Variants in SMCHD1 observed in about 807,000 individuals in gnomAD.
SMCHD1 encodes the protein structural maintenance of chromosomes flexible hinge domain containing 1.
A neutral mutation model predicts 254.7 loss-of-function variants in SMCHD1; 78 were observed. The ratio of observed to expected loss-of-function variants is 0.31; its 90% CI spans 0.26 to 0.37. The LOEUF (loss-of-function observed/expected upper bound fraction) is 0.37, where lower values mean the gene tolerates loss of function less well. Ranked by LOEUF, SMCHD1 falls within the 10% of genes least tolerant of loss-of-function variation. The pLI is 1.00. For missense variants in SMCHD1, 1,840 were observed against 2,408.1 expected (o/e 0.76, Z 4.94); for synonymous variants, 766 against 794.9 (o/e 0.96, Z 0.61).
At chr18:2,770,731 G>A (rs377094522) in intron 39 of SMCHD1, among the ~76,000 whole-genome samples, 3 of 151,876 alleles carry the variant, frequency 2.0e-5, no homozygotes, top group South Asian at 4.2e-4. Context: ...AGTGATTCTC[G>A]TGCCTCAGCC....
intron 17 of SMCHD1, among the ~76,000 whole-genome samples, chr18:2,712,231 CTTT>C (rs35669047): frequency 1.4e-5 from 2 of 142,116 alleles, no homozygotes; most frequent in Non-Finnish European, 1.5e-5. Flanking sequence ...TTTCTTTTTC[CTTT>C]TTTTTTTTTT....
intron 5 of SMCHD1, among the ~76,000 whole-genome samples, chr18:2,674,868 A>C (rs758110862): frequency 2.6e-5 from 4 of 152,224 alleles, no homozygotes; most frequent in Non-Finnish European, 5.9e-5. Context: ...ACCCACGTTT[A>C]AGGATCAATC....
intron 44 of SMCHD1, among the ~76,000 whole-genome samples, chr18:2,782,744 C>CAAAAAAAAAAAAA (rs779083565): frequency 2.4e-4 from 11 of 44,970 alleles, no homozygotes; most frequent in African/African-American, 5.7e-4. Context: ...GACCACAACT[C>CAAAAAAAAAAAAA]AAAAAAAAAA....
chr18:2,776,000 G>A, intron 42 of SMCHD1, 76 bp downstream of exon 42: 2 of 1,265,364 alleles, frequency 1.6e-6, no homozygotes, highest in South Asian at 2.9e-5. Context: ...ATTTAAAAAT[G>A]ATTTCTCTAA....
chr18:2,743,708 T>C, intron 28 of SMCHD1, 53 bp from the exon 29 acceptor site: 7 of 1,366,330 alleles, frequency 5.1e-6, no homozygotes, highest in Non-Finnish European at 6.9e-6. Flanking sequence ...ATTTTGTTTT[T>C]CTGAACACTA....
rs1318645164 is a variant in SMCHD1, at chr18:2,778,250, G to T, written c.5547+11G>T. On this transcript the variant is annotated intron_variant, in intron 44 of 47. Transcript: ENST00000320876. ...CATTATAGAAAAGAGGTATGTATTT[G>T]ATTTCTTTTTAAATTTGTAGACTTC... The T allele has an allele frequency of 6.3e-7, 1 of 1,583,654 alleles. No individual in the cohort carries two copies. Among genetic ancestry groups the T allele is most frequent in the Admixed American group, 1.7e-5 (1 of 57,436 alleles).
At chr18:2,784,741 T>C in intron 45 of SMCHD1, 120 bp downstream of exon 45, 1 of 1,146,252 alleles carries the variant, frequency 8.7e-7, no homozygotes, top group Non-Finnish European at 1.3e-6. Context: ...GTAACAAATG[T>C]AAGTAAGATG....
At chr18:2,660,728 T>C (rs976221051) in intron 1 of SMCHD1, among the ~76,000 whole-genome samples, 1 of 152,088 alleles carries the variant, frequency 6.6e-6, no homozygotes, top group Non-Finnish European at 1.5e-5. Context: ...TCTACCCACC[T>C]CGGCCTCCAA....
Position 2,770,143 on chromosome 18 carries a change from T to C in SMCHD1, c.4966+35T>C, listed in dbSNP as rs191408572. 1.4e-4 allele frequency: 216 copies of C among 1,586,964 alleles called. No individual in the cohort carries two copies. The African/African-American group carries it at 2.6e-3, about 19-fold the overall frequency. ...TTTGTATTCAAGACAAAAATTATGC[T>C]TTGGGGAATGATGAGGCAGGTGAGA... On this transcript the variant is annotated intron_variant, in intron 39 of 47. Transcript: ENST00000320876.
intron 17 of SMCHD1, among the ~76,000 whole-genome samples, chr18:2,709,962 A>G (rs1417717503): frequency 6.6e-6 from 1 of 152,088 alleles, no homozygotes; most frequent in Non-Finnish European, 1.5e-5. Flanking sequence ...TATCCAAGAG[A>G]TTGTTACTAA....
At chr18:2,739,561 C>G (rs756465960) in intron 27 of SMCHD1, 41 bp downstream of exon 27, 10 of 1,504,248 alleles carry the variant, frequency 6.6e-6, no homozygotes, top group South Asian at 1.1e-5. Flanking sequence ...ACAAAAAAAT[C>G]TTCTGTGATG....
At chr18:2,776,767 T>G (rs2076073067) in intron 42 of SMCHD1, among the ~76,000 whole-genome samples, 1 of 152,126 alleles carries the variant, frequency 6.6e-6, no homozygotes, top group Non-Finnish European at 1.5e-5. Context: ...AAAAATAGAT[T>G]GAGGAAACAG....
At chr18:2,698,617 C>A (rs2074333667) in intron 10 of SMCHD1, among the ~76,000 whole-genome samples, 1 of 152,130 alleles carries the variant, frequency 6.6e-6, no homozygotes, top group African/African-American at 2.4e-5. Context: ...ATCCTCCTGC[C>A]TTGGCCTCCC....
At chr18:2,690,808 A>G (rs1223141794) in intron 7 of SMCHD1, among the ~76,000 whole-genome samples, 4 of 151,974 alleles carry the variant, frequency 2.6e-5, no homozygotes, top group African/African-American at 9.7e-5. Flanking sequence ...TTAAATGTTC[A>G]TGGCATGTAT....
At chr18:2,688,923 C>G (rs1304049806) in intron 7 of SMCHD1, among the ~76,000 whole-genome samples, 176 bp downstream of exon 7, 2 of 152,168 alleles carry the variant, frequency 1.3e-5, no homozygotes, top group African/African-American at 2.4e-5. Flanking sequence ...ATAAAGCTTA[C>G]TAAGCTTTCT....
intron 1 of SMCHD1, among the ~76,000 whole-genome samples, chr18:2,665,744 A>G (rs979336714): frequency 1.3e-5 from 2 of 152,018 alleles, no homozygotes; most frequent in South Asian, 2.1e-4. Context: ...GTTTTCTTCT[A>G]TTTTGTTTTT....
chr18:2,694,063 A>C (rs1249306323), intron 7 of SMCHD1, among the ~76,000 whole-genome samples: 1 of 152,080 alleles, frequency 6.6e-6, no homozygotes, highest in Non-Finnish European at 1.5e-5. Flanking sequence ...GGATGATTTT[A>C]CTTTTAAGCA....
At chr18:2,785,391 G>C (rs534069331) in intron 45 of SMCHD1, among the ~76,000 whole-genome samples, 18 of 152,130 alleles carry the variant, frequency 1.2e-4, no homozygotes, top group Non-Finnish European at 2.4e-4. Context: ...GCTCACGCCT[G>C]TAATCCCAGC....
chr18:2,803,988 G>C lies in SMCHD1; in HGVS notation c.*1436G>C, dbSNP rs879387715. On this transcript the variant is annotated 3_prime_UTR_variant, in exon 48 of 48. Transcript: ENST00000320876. ...CATTTCCCTTATGTGTCATATCTGC[G>C]CTCAAATGTTTTGAATTTTGGAACA... is the stretch of plus-strand genomic sequence containing the variant. The C allele has an allele frequency of 1.3e-5, 2 of 152,054 alleles. No homozygotes were observed. The highest frequency in any genetic ancestry group is 2.9e-5 in the Non-Finnish European group (2 of 68,010). The allele number at this position is 152,054 out of a possible 1,614,324, so 9.4% of individuals were successfully genotyped here.
Sources: gnomAD v4.1 joint callset for allele counts (sites outside exome capture counted in the v4.1 genomes callset) on GRCh38, gnomAD v4.1.1 for gene constraint, MANE v1.5 for transcripts, NCBI Gene and HGNC (gene_info 2026-07-23, HGNC 2026-07-21) for gene names.